Variants in RPL13A observed in about 807,000 individuals in gnomAD.
The protein encoded by RPL13A is ribosomal protein L13a.
In RPL13A, 4 loss-of-function variants were observed where a neutral mutation model predicts 30.8. That is an observed-to-expected ratio of 0.13 (90% confidence interval 0.06 to 0.30). RPL13A has a LOEUF of 0.30. Ranked by LOEUF, RPL13A falls within the 10% of genes least tolerant of loss-of-function variation. The pLI is 1.00. For synonymous variants in RPL13A, 108 were observed against 104.2 expected, an observed-to-expected ratio of 1.04 and a Z score of -0.22; for missense variants, 196 against 272.6, an observed-to-expected ratio of 0.72 and a Z score of 1.98.
In RPL13A at chr19:49,491,719, T is replaced by C. The variant is rs576239955; in HGVS notation, c.526-10T>C. ...TCCTGACCACCACCACCTGCACTTA[T>C]TCTTGGCAGAGGCTACGGAAACAGG... On this transcript the variant is annotated splice_polypyrimidine_tract_variant and intron_variant, in intron 7 of 7. Transcript: ENST00000391857. 2.8e-5 allele frequency: 45 copies of C among 1,612,974 alleles called. No individual in the cohort carries two copies. The highest frequency in any genetic ancestry group is 9.3e-5 in the African/African-American group (7 of 75,034).
intron 2 of RPL13A, 69 bp from the exon 3 acceptor site, chr19:49,490,163 G>A (rs1227236121): frequency 2.1e-6 from 3 of 1,425,624 alleles, no homozygotes; most frequent in East Asian, 2.3e-5. Context: ...TGTGTCTGGA[G>A]GGTGACTGCA....
rs766052434 is a variant in RPL13A at position 49,487,652 on chromosome 19, C to T, written c.15+8C>T. 18 of 1,549,910 alleles carry T rather than the reference C, an allele frequency of 1.2e-5. No individual in the cohort carries two copies. The highest frequency in any genetic ancestry group is 1.5e-5 in the Non-Finnish European group (17 of 1,150,202). Reference sequence around the variant, plus strand: ...AAGATGGCGGAGGTGCAGGTATGGGCTCCGCGCGGGCCGGGGCGGCAAGGG... The same window carrying T: ...AAGATGGCGGAGGTGCAGGTATGGGTTCCGCGCGGGCCGGGGCGGCAAGGG... On this transcript the variant is annotated splice_region_variant and intron_variant, in intron 1 of 7. Coordinates refer to ENST00000391857, the MANE Select transcript of RPL13A (RefSeq NM_012423.4).
At chr19:49,491,604 G>A (rs977675451) in intron 7 of RPL13A, 57 bp downstream of exon 7, 7 of 1,556,536 alleles carry the variant, frequency 4.5e-6, no homozygotes, top group East Asian at 2.4e-5. Flanking sequence ...GGCCTGGCAG[G>A]TGCCTTGCTC....
intron 1 of RPL13A, among the ~76,000 whole-genome samples, chr19:49,488,211 T>C: frequency 6.6e-6 from 1 of 152,188 alleles, no homozygotes; most frequent in East Asian, 1.9e-4. Context: ...GAACTCGTTT[T>C]CCGTCGTTTT....
intron 4 of RPL13A, 56 bp downstream of exon 4, chr19:49,490,632 C>G: frequency 6.3e-7 from 1 of 1,587,666 alleles, no homozygotes; most frequent in Non-Finnish European, 8.7e-7. Context: ...GTGATGAGAA[C>G]TTCTCCCACT....
chr19:49,490,837 T>G lies in RPL13A; in HGVS notation c.315T>G (p.Phe105Leu), dbSNP rs1024676686. 4 of 1,613,986 alleles carry G rather than the reference T, an allele frequency of 2.5e-6. No homozygotes were observed. The African/African-American group carries it at 4.0e-5, about 16-fold the overall frequency. ...CCGCTCTGGACCGTCTCAAGGTGTTTGACGGCATCCCACCGCCCTACGACA... is the reference window on the plus strand; with the variant it reads ...CCGCTCTGGACCGTCTCAAGGTGTTGGACGGCATCCCACCGCCCTACGACA... The part of the protein sequence containing the change: ...GQAALDRLKV[F>L]DGIPPPYDKK... The change falls in exon 5 of 8, where the codon TTT (phenylalanine) becomes TTG (leucine). Residue 105 changes from phenylalanine (F) to leucine (L), a missense_variant. Physicochemically the swap from Phe to Leu is conservative, Grantham distance 22. Coordinates refer to ENST00000391857, the MANE Select transcript of RPL13A (RefSeq NM_012423.4).
Position 49,490,239 on chromosome 19 carries a change from G to A in RPL13A, c.96G>A (p.Lys32=), listed in dbSNP as rs1466112089. 1 of 1,614,168 alleles carries A rather than the reference G, an allele frequency of 6.2e-7. No individual in the cohort carries two copies. The highest frequency in any genetic ancestry group is 1.1e-5 in the South Asian group (1 of 91,088). The change falls in exon 3 of 8, where the codon AAG becomes AAA. Residue 32 remains lysine, a synonymous_variant. Coordinates refer to ENST00000391857, the MANE Select transcript of RPL13A (RefSeq NM_012423.4). The part of the protein sequence containing the change: ...IVAKQVLLGR[K]VVVVRCEGIN... ...GCCTTTCCCTCCCTCTAGGCCGGAA[G>A]GTGGTGGTCGTACGCTGTGAAGGCA...
chr19:49,490,933 C>T, intron 5 of RPL13A, 69 bp downstream of exon 5: 1 of 1,603,170 alleles, frequency 6.2e-7, no homozygotes. Context: ...CAACTACCTA[C>T]ATTGTTTGAT....
chr19:49,487,705 G>A (rs752420913), intron 1 of RPL13A, 61 bp downstream of exon 1: 90 of 1,451,598 alleles, frequency 6.2e-5, no homozygotes, highest in Non-Finnish European at 7.9e-5. Flanking sequence ...CCGGAATGGG[G>A]TCGCACCCTC....
In RPL13A at chr19:49,492,030, T is replaced by C. The variant is rs2079876434; in HGVS notation, c.*215T>C. The C allele has an allele frequency of 7.6e-6, 4 of 528,052 alleles. No homozygotes were observed. The highest frequency in any genetic ancestry group is 3.3e-5 in the East Asian group (1 of 30,398). The allele number at this position is 528,052 out of a possible 1,614,324, so 32.7% of individuals were successfully genotyped here. A position where few individuals can be genotyped will look rare whatever the true frequency, so the allele number is the denominator to read the frequency against. On this transcript the variant is annotated 3_prime_UTR_variant, in exon 8 of 8. Transcript: ENST00000391857. The stretch of plus-strand genomic sequence containing the variant: ...GCAGGTGTCATTTATCTATGACCAA[T>C]AGGAAGAGCAACCAGTTACTATGAG...
At chr19:49,490,433 G>C in intron 3 of RPL13A, 42 bp from the exon 4 acceptor site, 3 of 1,605,276 alleles carry the variant, frequency 1.9e-6, no homozygotes, top group Non-Finnish European at 2.6e-6. Context: ...TTTTGGGGGT[G>C]CTGGTAGACT....
In RPL13A at chr19:49,491,994, C is replaced by T. The variant is rs970191413; in HGVS notation, c.*179C>T. 1.3e-3 allele frequency: 745 copies of T among 587,496 alleles called. 3 individuals carry two copies. The highest frequency in any genetic ancestry group is 1.2e-3 in the Non-Finnish European group (381 of 327,972). 36.4% of individuals were successfully genotyped at this position (587,496 alleles called of 1,614,324 possible). Reference sequence around the variant, plus strand: ...CCTCCCGAAGTTGCTTGAAAGCACTCGGAGAATTGTGCAGGTGTCATTTAT... The same window carrying T: ...CCTCCCGAAGTTGCTTGAAAGCACTTGGAGAATTGTGCAGGTGTCATTTAT... On this transcript the variant is annotated 3_prime_UTR_variant, in exon 8 of 8. Transcript: ENST00000391857.
rs1045108313 is a variant in RPL13A at position 49,491,893 on chromosome 19, G to A, written c.*78G>A. ...TGCCCTGGAATGTACGGGACCCAGG[G>A]GCAGCAGCAGTCCAGGTGCCACAGG... On this transcript the variant is annotated 3_prime_UTR_variant, in exon 8 of 8. Transcript: ENST00000391857. 3 of 1,174,360 alleles carry A rather than the reference G, an allele frequency of 2.6e-6. No individual in the cohort carries two copies. Among genetic ancestry groups the A allele is most frequent in the South Asian group, 1.3e-5 (1 of 77,044 alleles). The allele number at this position is 1,174,360 out of a possible 1,614,324, so 72.7% of individuals were successfully genotyped here.
rs761149841 is a variant in RPL13A at position 49,491,570 on chromosome 19, AG to A, written c.525+29del. The A allele has an allele frequency of 2.6e-6, 4 of 1,553,900 alleles. No homozygotes were observed. The Admixed American group carries it at 5.8e-5, about 22-fold the overall frequency. ...ATGGTGAGGCCAGGGGCTGGTGCTG[AG>A]GGGGGCATCTCACTCCTGGACAGGC... is the stretch of plus-strand genomic sequence containing the variant. On this transcript the variant is annotated intron_variant, in intron 7 of 7. Coordinates refer to ENST00000391857, the MANE Select transcript of RPL13A (RefSeq NM_012423.4).
At chr19:49,490,900 C>T (rs770784689) in intron 5 of RPL13A, 36 bp downstream of exon 5, 106 of 1,611,702 alleles carry the variant, frequency 6.6e-5, no homozygotes, top group Non-Finnish European at 8.7e-5. Context: ...AGCGGCCTTA[C>T]CTGTGGCGTC....
At chr19:49,488,665 T>C (rs1305830665) in intron 1 of RPL13A, among the ~76,000 whole-genome samples, 1 of 152,250 alleles carries the variant, frequency 6.6e-6, no homozygotes, top group Non-Finnish European at 1.5e-5. Context: ...TAACAACCAG[T>C]GTGTGCTTCA....
chr19:49,487,781 A>C, intron 1 of RPL13A, 137 bp downstream of exon 1: 1 of 949,716 alleles, frequency 1.1e-6, no homozygotes, highest in South Asian at 1.9e-5. Flanking sequence ...TTTTGGGATA[A>C]GGGGAATCTG....
At chr19:49,487,770 C>A in intron 1 of RPL13A, 126 bp downstream of exon 1, 1 of 1,027,790 alleles carries the variant, frequency 9.7e-7, no homozygotes, top group Non-Finnish European at 1.4e-6. Context: ...AAATGGAAGT[C>A]TTTTGGGATA....
chr19:49,490,973 C>A, intron 5 of RPL13A, 67 bp from the exon 6 acceptor site: 1 of 1,607,930 alleles, frequency 6.2e-7, no homozygotes, highest in Non-Finnish European at 8.5e-7. Flanking sequence ...GCTGAGACGC[C>A]AGTCCAGCCG....
Sources: gnomAD v4.1 joint callset for allele counts (sites outside exome capture counted in the v4.1 genomes callset) on GRCh38, gnomAD v4.1.1 for gene constraint, MANE v1.5 for transcripts, NCBI Gene and HGNC (gene_info 2026-07-23, HGNC 2026-07-21) for gene names.